CEP89: variants seen among roughly 807,000 people sequenced by gnomAD.
The protein encoded by CEP89 is centrosomal protein of 89 kDa.
CEP89 carries 95 observed loss-of-function variants against 97.6 expected under a neutral mutation model. The observed-to-expected ratio is 0.97, with a 90% CI of 0.82 to 1.15. The LOEUF (loss-of-function observed/expected upper bound fraction) is 1.15, where lower values mean the gene tolerates loss of function less well. CEP89 is among the 50% of genes most tolerant of loss of function. The probability of loss-of-function intolerance (pLI) is 0.00; values close to 1 mark genes in which losing one functional copy is unlikely to be tolerated. For synonymous variants in CEP89, 354 were observed against 349.1 expected (o/e 1.01, Z -0.16); for missense variants, 869 against 947.7 (o/e 0.92, Z 1.09).
Position 32,884,753 on chromosome 19 carries a change from T to C in CEP89, c.1966-2740A>G, listed in dbSNP as rs554809650. On this transcript the variant is annotated intron_variant, in intron 17 of 18. Transcript: ENST00000305768. ...CTAATTTTAAACTTTTTTTTAGAGA[T>C]GGGGTCTCTATGTTGCCCAGGCTGA... is the stretch of plus-strand genomic sequence containing the variant. Among the ~76,000 whole-genome samples, 95 of 152,088 alleles carry C rather than the reference T, an allele frequency of 6.2e-4. 1 individual carries two copies. The highest frequency in any genetic ancestry group is 2.2e-3 in the African/African-American group (90 of 41,480).
intron 3 of CEP89, 56 bp downstream of exon 3, chr19:32,959,844 T>C: frequency 1.9e-6 from 3 of 1,603,638 alleles, no homozygotes; most frequent in South Asian, 2.2e-5. Flanking sequence ...GAGACCAGGC[T>C]GAGCCTGCCC....
chr19:32,934,433 C>T (rs1041340147), intron 7 of CEP89, among the ~76,000 whole-genome samples: 15 of 152,286 alleles, frequency 9.8e-5, no homozygotes, highest in Admixed American at 6.5e-4. Context: ...CGCTGTTCCA[C>T]GGGGAGATGT....
rs114156571 is a variant in CEP89, at chr19:32,926,537, C to A, written c.1081-264G>T. Among the ~76,000 whole-genome samples, 937 of 152,230 alleles carry A rather than the reference C, an allele frequency of 6.2e-3. 13 individuals are homozygous for A. The highest frequency in any genetic ancestry group is 0.021 in the African/African-American group (888 of 41,532). ...AGGCACAGGAGGCATCTACAACACC[C>A]GCACAGGCTTGACCTCCTGCGGTCA... On this transcript the variant is annotated intron_variant, in intron 10 of 18. Transcript: ENST00000305768.
At chr19:32,883,424 C>T (rs960315682) in intron 17 of CEP89, among the ~76,000 whole-genome samples, 10 of 152,004 alleles carry the variant, frequency 6.6e-5, no homozygotes, top group African/African-American at 2.2e-4. Context: ...AAAGTTGAGG[C>T]GGGCAGATCA....
chr19:32,880,639 TAA>T (rs60785987), intron 18 of CEP89, among the ~76,000 whole-genome samples: 9,282 of 137,680 alleles, frequency 0.067, 878 homozygotes, highest in African/African-American at 0.21. Context: ...ACCTTGTATT[TAA>T]AAAAAAAAAA....
chr19:32,940,759 G>T (rs189059255), intron 5 of CEP89, among the ~76,000 whole-genome samples: 1 of 151,102 alleles, frequency 6.6e-6, no homozygotes. Context: ...GTTGGACATC[G>T]AGTTGCTTTT....
chr19:32,932,328 T>C (rs1970493641), intron 8 of CEP89, among the ~76,000 whole-genome samples: 1 of 152,074 alleles, frequency 6.6e-6, no homozygotes, highest in South Asian at 2.1e-4. Context: ...TAATATATAG[T>C]ATCTAAAAAT....
intron 13 of CEP89, chr19:32,917,897 G>T: frequency 3.6e-6 from 2 of 555,278 alleles, no homozygotes; most frequent in Non-Finnish European, 4.6e-6. Context: ...AAGAGACCCT[G>T]TGTTATTTCA....
intron 16 of CEP89, among the ~76,000 whole-genome samples, chr19:32,893,854 C>T (rs1457139400): frequency 6.6e-6 from 1 of 152,116 alleles, no homozygotes; most frequent in Non-Finnish European, 1.5e-5. Flanking sequence ...ATACCAAACA[C>T]AACATACCAA....
chr19:32,961,502 C>A (rs1225612238), intron 2 of CEP89, among the ~76,000 whole-genome samples: 1 of 145,538 alleles, frequency 6.9e-6, no homozygotes, highest in Non-Finnish European at 1.5e-5. Flanking sequence ...TGGCGTGAAC[C>A]TGGGAGGTGG....
intron 14 of CEP89, among the ~76,000 whole-genome samples, chr19:32,907,262 G>A (rs1969906791): frequency 6.6e-6 from 1 of 152,182 alleles, no homozygotes; most frequent in South Asian, 2.1e-4. Flanking sequence ...TGGGGAGACT[G>A]AGGCAGGAGA....
chr19:32,923,256 T>C (rs1970288274), intron 12 of CEP89, among the ~76,000 whole-genome samples, 183 bp downstream of exon 12: 1 of 152,222 alleles, frequency 6.6e-6, no homozygotes, highest in Admixed American at 6.5e-5. Flanking sequence ...TTAAAAGTCA[T>C]CTTGAAAATG....
intron 5 of CEP89, among the ~76,000 whole-genome samples, chr19:32,945,061 T>C (rs1031947691): frequency 1.3e-5 from 2 of 152,138 alleles, no homozygotes; most frequent in Non-Finnish European, 2.9e-5. Flanking sequence ...CTCTGTGTAC[T>C]TGTGAAAAGT....
chr19:32,923,471 T>TAA lies in CEP89; in HGVS notation c.1234_1235dup (p.Leu412PhefsTer2), dbSNP rs1370022293. The TAA allele has an allele frequency of 5.6e-6, 9 of 1,609,318 alleles. No homozygotes were observed. Among genetic ancestry groups the TAA allele is most frequent in the Non-Finnish European group, 6.8e-6 (8 of 1,175,822 alleles). ...CACTGGTAACAGCACTACTCTTATT[T>TAA]AACTCTTGGTGCAATTCTTCATTTT... On this transcript the variant is annotated frameshift_variant, in exon 12 of 19. Transcript: ENST00000305768. LOFTEE classifies it high-confidence loss of function.
intron 3 of CEP89, 84 bp downstream of exon 3, chr19:32,959,816 C>T (rs1476310817): frequency 3.5e-6 from 5 of 1,446,826 alleles, no homozygotes; most frequent in African/African-American, 1.4e-5. Context: ...CACATGTACG[C>T]ATGCACACAT....
intron 10 of CEP89, among the ~76,000 whole-genome samples, chr19:32,926,677 T>C (rs370705610): frequency 6.6e-6 from 1 of 152,190 alleles, no homozygotes; most frequent in Non-Finnish European, 1.5e-5. Flanking sequence ...TTCTCCTGCC[T>C]CAGCCTCCCA....
Position 32,879,162 on chromosome 19 carries a change from C to T in CEP89, c.2352G>A (p.Ter784=). 1 of 1,605,530 alleles carries T rather than the reference C, an allele frequency of 6.2e-7. No homozygotes were observed. Among genetic ancestry groups the T allele is most frequent in the Non-Finnish European group, 8.5e-7 (1 of 1,174,850 alleles). ...GCTACACCACGGGCTCCCGCAGATT[C>T]TAGCAGGTGGGGGCATGAGACTTCA... ...YDLKSHAPTC[*] The change falls in exon 19 of 19, where the codon TAG becomes TAA. Residue 784 remains the stop codon, a stop_retained_variant. Coordinates refer to ENST00000305768, the MANE Select transcript of CEP89 (RefSeq NM_032816.5).
At chr19:32,883,665 ACT>A (rs1208555960) in intron 17 of CEP89, among the ~76,000 whole-genome samples, 3 of 152,124 alleles carry the variant, frequency 2.0e-5, no homozygotes, top group African/African-American at 7.2e-5. Context: ...ACAAAGTGAG[ACT>A]CTGTCTAAAA....
At chr19:32,942,040 C>A (rs1970697137) in intron 5 of CEP89, among the ~76,000 whole-genome samples, 1 of 152,132 alleles carries the variant, frequency 6.6e-6, no homozygotes, top group African/African-American at 2.4e-5. Flanking sequence ...AAATTCTTCA[C>A]AAAATAAAAT....
Sources: allele counts gnomAD v4.1 joint callset (sites outside exome capture counted in the v4.1 genomes callset), GRCh38; gene constraint gnomAD v4.1.1; transcripts MANE v1.5; gene names NCBI Gene and HGNC (gene_info 2026-07-23, HGNC 2026-07-21).